TNRC18: variants seen among roughly 807,000 people sequenced by gnomAD.
TNRC18 encodes trinucleotide repeat containing 18, also known as trinucleotide repeat-containing gene 18 protein.
TNRC18 carries 69 observed loss-of-function variants against 226.7 expected under a neutral mutation model. The ratio of observed to expected loss-of-function variants is 0.30; its 90% CI spans 0.25 to 0.37. TNRC18 has a LOEUF of 0.37. TNRC18 is among the 10% of genes least tolerant of loss of function. The pLI is 1.00. For missense variants in TNRC18, 4,754 were observed against 4,256.6 expected, an observed-to-expected ratio of 1.12 and a Z score of -3.25; for synonymous variants, 2,449 against 1,927.6, an observed-to-expected ratio of 1.27 and a Z score of -7.09.
At position 5,370,673 on chromosome 7, in the gene TNRC18, G is replaced by C; in HGVS notation, c.3921C>G (p.Ser1307Arg). 6.2e-7 allele frequency: 1 copy of C among 1,612,566 alleles called. No individual in the cohort carries two copies. Among genetic ancestry groups the C allele is most frequent in the Non-Finnish European group, 8.5e-7 (1 of 1,179,674 alleles). ...CAGGCACGGCCTCTTGGGGCTCCAG[G>C]CTCGGGCACTGTCCCTCCCCGGCGG... ...DVPAGEGQCP[S>R]LEPQEAVPVL... Residue 1307 changes from serine to arginine, a missense_variant, in exon 11 of 30, where the codon AGC (serine) becomes AGG (arginine). Transcript: ENST00000430969.
chr7:5,382,306 C>G (rs900584893), intron 5 of TNRC18, among the ~76,000 whole-genome samples: 10 of 152,342 alleles, frequency 6.6e-5, no homozygotes, highest in African/African-American at 2.2e-4. Flanking sequence ...CTGCCGCCCC[C>G]TCTCTGCAGG....
intron 18 of TNRC18, among the ~76,000 whole-genome samples, chr7:5,336,534 G>T (rs1402481523): frequency 6.6e-6 from 1 of 151,806 alleles, no homozygotes; most frequent in East Asian, 1.9e-4. Flanking sequence ...CTGAGGTCAA[G>T]AGTTCAAGAC....
chr7:5,314,666 A>T (rs1044943489), intron 26 of TNRC18, among the ~76,000 whole-genome samples: 1 of 139,328 alleles, frequency 7.2e-6, no homozygotes, highest in African/African-American at 2.7e-5. Flanking sequence ...TCCAGCTCCC[A>T]GGTTGAAGTG....
chr7:5,412,244 G>GAAAAAA (rs55864404), intron 2 of TNRC18, among the ~76,000 whole-genome samples: 1 of 71,822 alleles, frequency 1.4e-5, no homozygotes, highest in Non-Finnish European at 4.0e-5. Context: ...AATTCCAAAT[G>GAAAAAA]AAAAAAAAAA....
intron 10 of TNRC18, 111 bp from the exon 11 acceptor site, chr7:5,371,475 C>A: frequency 7.5e-7 from 1 of 1,327,580 alleles, no homozygotes; most frequent in Non-Finnish European, 9.9e-7. Context: ...CCGCCCCCTG[C>A]TCACCCAGCT....
chr7:5,402,272 G>A (rs1781158961), intron 2 of TNRC18, among the ~76,000 whole-genome samples: 1 of 150,008 alleles, frequency 6.7e-6, no homozygotes, highest in African/African-American at 2.5e-5. Flanking sequence ...AGTGACTCAT[G>A]CCTGTAATCC....
At chr7:5,390,794 C>T (rs1780238175) in intron 3 of TNRC18, among the ~76,000 whole-genome samples, 166 bp from the exon 4 acceptor site, 1 of 152,108 alleles carries the variant, frequency 6.6e-6, no homozygotes, top group Non-Finnish European at 1.5e-5. Flanking sequence ...GCTCCCCAAC[C>T]CTGGGTCTCT....
chr7:5,363,207 G>C (rs1340391655), intron 11 of TNRC18, among the ~76,000 whole-genome samples: 1 of 152,168 alleles, frequency 6.6e-6, no homozygotes, highest in Non-Finnish European at 1.5e-5. Flanking sequence ...GGAGACTAAG[G>C]CGGGAGAACC....
At chr7:5,312,000 G>A (rs550006929) in intron 27 of TNRC18, among the ~76,000 whole-genome samples, 208 of 152,226 alleles carry the variant, frequency 1.4e-3, no homozygotes, top group Non-Finnish European at 2.3e-3. Context: ...GCCAGGCGTG[G>A]TGGCGTGCGC....
At chr7:5,334,596 TA>T (rs1346169326) in intron 18 of TNRC18, among the ~76,000 whole-genome samples, 1 of 152,020 alleles carries the variant, frequency 6.6e-6, no homozygotes, top group East Asian at 1.9e-4. Flanking sequence ...AATCTTTTGC[TA>T]ACAAGACTTT....
intron 18 of TNRC18, among the ~76,000 whole-genome samples, chr7:5,341,235 C>T (rs1006290944): frequency 1.4e-5 from 2 of 147,004 alleles, no homozygotes; most frequent in African/African-American, 5.1e-5. Flanking sequence ...CACAGTGAAA[C>T]CCTGTCTCTA....
chr7:5,390,708 A>G, intron 3 of TNRC18, 80 bp from the exon 4 acceptor site: 1 of 1,426,722 alleles, frequency 7.0e-7, no homozygotes, highest in Non-Finnish European at 9.2e-7. Flanking sequence ...CTGGAAATAA[A>G]CTATTTTGGC....
intron 5 of TNRC18, among the ~76,000 whole-genome samples, chr7:5,384,909 C>G (rs1184525617): frequency 6.6e-6 from 1 of 152,252 alleles, no homozygotes; most frequent in Non-Finnish European, 1.5e-5. Context: ...CACTGAGCAT[C>G]GCTCACCATG....
chr7:5,335,977 C>A (rs184461784), intron 18 of TNRC18, among the ~76,000 whole-genome samples: 5 of 151,568 alleles, frequency 3.3e-5, no homozygotes, highest in Admixed American at 6.6e-5. Flanking sequence ...GAGGCCAAGG[C>A]GGGCAGATCA....
intron 19 of TNRC18, among the ~76,000 whole-genome samples, chr7:5,330,663 T>C (rs895822422): frequency 1.1e-4 from 17 of 152,062 alleles, no homozygotes; most frequent in African/African-American, 4.1e-4. Context: ...TACTATGTGC[T>C]ACCTGGTAGC....
chr7:5,386,113 CCT>C (rs1461597927), intron 5 of TNRC18, among the ~76,000 whole-genome samples: 1 of 151,666 alleles, frequency 6.6e-6, no homozygotes, highest in African/African-American at 2.4e-5. Flanking sequence ...ATGGTGAAAC[CCT>C]GTCTCTACTA....
intron 2 of TNRC18, among the ~76,000 whole-genome samples, chr7:5,411,209 C>T (rs1165456011): frequency 3.8e-5 from 5 of 131,330 alleles, no homozygotes; most frequent in African/African-American, 5.7e-5. Context: ...GAGTGAGACT[C>T]CATCTCAAAA....
At chr7:5,372,008 C>T (rs1303810087) in intron 10 of TNRC18, among the ~76,000 whole-genome samples, 1 of 152,202 alleles carries the variant, frequency 6.6e-6, no homozygotes, top group South Asian at 2.1e-4. Context: ...AACGAATCTC[C>T]TGCCTCAGCC....
At chr7:5,380,973 C>T (rs1476837492) in intron 5 of TNRC18, among the ~76,000 whole-genome samples, 1 of 152,166 alleles carries the variant, frequency 6.6e-6, no homozygotes. Flanking sequence ...CCCGTGCCCC[C>T]AGAAGAGGCA....
Sources: gnomAD v4.1 joint callset for allele counts (sites outside exome capture counted in the v4.1 genomes callset) on GRCh38, gnomAD v4.1.1 for gene constraint, MANE v1.5 for transcripts, NCBI Gene and HGNC (gene_info 2026-07-23, HGNC 2026-07-21) for gene names.